KCNMB4: variants seen among roughly 807,000 people sequenced by gnomAD.
KCNMB4 encodes the protein potassium calcium-activated channel subfamily M regulatory beta subunit 4.
In KCNMB4, 3 loss-of-function variants were observed where a neutral mutation model predicts 20.7. The ratio of observed to expected loss-of-function variants is 0.14; its 90% CI spans 0.07 to 0.37. The LOEUF is 0.37. Ranked by LOEUF, KCNMB4 falls within the 10% of genes least tolerant of loss-of-function variation. The pLI, the probability that KCNMB4 is intolerant of heterozygous loss-of-function variation, is 1.00. For synonymous variants in KCNMB4, 110 were observed against 113.4 expected, an observed-to-expected ratio of 0.97 and a Z score of 0.19; for missense variants, 168 against 265.9, an observed-to-expected ratio of 0.63 and a Z score of 2.56.
intron 2 of KCNMB4, among the ~76,000 whole-genome samples, chr12:70,403,702 A>G (rs1431569225): frequency 2.0e-5 from 3 of 152,222 alleles, no homozygotes; most frequent in African/African-American, 7.2e-5. Flanking sequence ...GGGCATTAGC[A>G]TTTTGTAAAA....
intron 1 of KCNMB4, among the ~76,000 whole-genome samples, chr12:70,391,598 G>A (rs953570569): frequency 2.6e-5 from 4 of 152,112 alleles, no homozygotes; most frequent in African/African-American, 4.8e-5. Flanking sequence ...GAGCCACTGC[G>A]CCTGGCCTAT....
At chr12:70,415,883 G>T (rs1160261546) in intron 2 of KCNMB4, among the ~76,000 whole-genome samples, 1 of 152,162 alleles carries the variant, frequency 6.6e-6, no homozygotes, top group African/African-American at 2.4e-5. Context: ...CCTGCCCTCG[G>T]ATTTACAGCT....
chr12:70,391,038 G>A (rs1340289273), intron 1 of KCNMB4, among the ~76,000 whole-genome samples: 1 of 152,184 alleles, frequency 6.6e-6, no homozygotes, highest in African/African-American at 2.4e-5. Context: ...AGGGCTTTAA[G>A]TATAAACCAG....
chr12:70,367,141 G>T, intron 1 of KCNMB4, 71 bp downstream of exon 1: 1 of 1,253,756 alleles, frequency 8.0e-7, no homozygotes, highest in South Asian at 1.6e-5. Flanking sequence ...GTTAGACTCC[G>T]CGCGGGGAGG....
At chr12:70,393,099 A>G (rs1868314749) in intron 1 of KCNMB4, among the ~76,000 whole-genome samples, 1 of 152,230 alleles carries the variant, frequency 6.6e-6, no homozygotes, top group African/African-American at 2.4e-5. Context: ...ATTAATAACT[A>G]TTGAACTTCT....
chr12:70,396,557 CAACCTCCCAAAG>C (rs1478315442), intron 1 of KCNMB4, among the ~76,000 whole-genome samples: 5 of 152,196 alleles, frequency 3.3e-5, no homozygotes, highest in African/African-American at 1.2e-4. Context: ...CTGCCCGCCT[CAACCTCCCAAAG>C]TGTTGGAATT....
chr12:70,387,882 T>G (rs1868270069), intron 1 of KCNMB4, among the ~76,000 whole-genome samples: 1 of 152,114 alleles, frequency 6.6e-6, no homozygotes, highest in Non-Finnish European at 1.5e-5. Context: ...TTGACTAGAG[T>G]CACCCTACTG....
chr12:70,401,636 CT>C (rs11382485), intron 2 of KCNMB4, among the ~76,000 whole-genome samples: 3,671 of 139,912 alleles, frequency 0.026, 75 homozygotes, highest in East Asian at 0.1. Context: ...AGCAATGACA[CT>C]TTTTTTTTTT....
Position 70,366,675 on chromosome 12 carries a change from C to T in KCNMB4, c.-60C>T, listed in dbSNP as rs1487821693. 4 of 1,267,784 alleles carry T rather than the reference C, an allele frequency of 3.2e-6. No individual in the cohort carries two copies. Among genetic ancestry groups the T allele is most frequent in the Admixed American group, 6.0e-5 (2 of 33,316 alleles). The allele number at this position is 1,267,784 out of a possible 1,614,324, so 78.5% of individuals were successfully genotyped here. ...GCTCCTCCCGCCCGAGGCAGTCGGG[C>T]TCGGCGCCGGGGGCGGGAGGGGGCG... is the stretch of plus-strand genomic sequence containing the variant. On this transcript the variant is annotated 5_prime_UTR_variant, in exon 1 of 3. Transcript: ENST00000258111.
At chr12:70,417,429 C>G (rs1352164328) in intron 2 of KCNMB4, among the ~76,000 whole-genome samples, 1 of 152,148 alleles carries the variant, frequency 6.6e-6, no homozygotes, top group Non-Finnish European at 1.5e-5. Context: ...GTTGAAGGAA[C>G]AGGAACTGCT....
intron 1 of KCNMB4, among the ~76,000 whole-genome samples, chr12:70,388,004 A>G (rs56916613): frequency 0.074 from 11,242 of 152,002 alleles, 642 homozygotes; most frequent in East Asian, 0.27. Flanking sequence ...TCTGGTAACC[A>G]TCCTTCTACT....
At chr12:70,380,649 CAA>C (rs77962117) in intron 1 of KCNMB4, among the ~76,000 whole-genome samples, 10 of 119,002 alleles carry the variant, frequency 8.4e-5, no homozygotes, top group Admixed American at 8.4e-5. Context: ...ACTGAGAGTC[CAA>C]AAAAAAAAAA....
At chr12:70,384,291 A>G (rs1278835024) in intron 1 of KCNMB4, among the ~76,000 whole-genome samples, 1 of 152,236 alleles carries the variant, frequency 6.6e-6, no homozygotes, top group African/African-American at 2.4e-5. Context: ...AATTTCTCCA[A>G]TAAAGAAGGC....
chr12:70,376,177 G>A (rs1243010578), intron 1 of KCNMB4, among the ~76,000 whole-genome samples: 2 of 148,390 alleles, frequency 1.3e-5, no homozygotes, highest in Non-Finnish European at 1.5e-5. Flanking sequence ...CAACAAATTA[G>A]GAATAGAAGG....
At chr12:70,374,555 C>A in intron 1 of KCNMB4, among the ~76,000 whole-genome samples, 2 of 152,270 alleles carry the variant, frequency 1.3e-5, no homozygotes, top group South Asian at 4.1e-4. Flanking sequence ...GTAATATCCT[C>A]TTCTATTCTT....
intron 2 of KCNMB4, among the ~76,000 whole-genome samples, chr12:70,421,947 G>A (rs1042305828): frequency 1.3e-4 from 20 of 150,856 alleles, no homozygotes; most frequent in Admixed American, 1.1e-3. Context: ...ATACAGTTAA[G>A]GTTCTCATCC....
At chr12:70,372,343 C>T (rs1222671239) in intron 1 of KCNMB4, among the ~76,000 whole-genome samples, 1 of 152,138 alleles carries the variant, frequency 6.6e-6, no homozygotes, top group Non-Finnish European at 1.5e-5. Context: ...GCAAATGATC[C>T]CTCTCGCTGC....
chr12:70,391,310 A>G (rs184491604), intron 1 of KCNMB4, among the ~76,000 whole-genome samples: 1,772 of 150,358 alleles, frequency 0.012, 32 homozygotes, highest in African/African-American at 0.04. Flanking sequence ...ATTTATTATT[A>G]TTTTTTTTTA....
At chr12:70,395,618 G>A (rs1055278891) in intron 1 of KCNMB4, among the ~76,000 whole-genome samples, 6 of 152,142 alleles carry the variant, frequency 3.9e-5, no homozygotes, top group African/African-American at 1.4e-4. Context: ...GTTGTGTGAT[G>A]ATACTGTCTT....
Sources: gnomAD v4.1 joint callset for allele counts (sites outside exome capture counted in the v4.1 genomes callset) on GRCh38, gnomAD v4.1.1 for gene constraint, MANE v1.5 for transcripts, NCBI Gene and HGNC (gene_info 2026-07-23, HGNC 2026-07-21) for gene names.